Variants in BAIAP2 observed in about 807,000 individuals in gnomAD.
BAIAP2 encodes BAR/IMD domain-containing adapter protein 2.
BAIAP2 carries 18 observed loss-of-function variants against 63.0 expected under a neutral mutation model. The ratio of observed to expected loss-of-function variants is 0.29; its 90% CI spans 0.20 to 0.42. The LOEUF (loss-of-function observed/expected upper bound fraction) is 0.42. Ranked by LOEUF, BAIAP2 falls within the 10% of genes least tolerant of loss-of-function variation. The probability of loss-of-function intolerance (pLI) is 1.00; values close to 1 mark genes in which losing one functional copy is unlikely to be tolerated. For synonymous variants in BAIAP2, 386 were observed against 307.6 expected (o/e 1.25, Z -2.67); for missense variants, 610 against 734.3 (o/e 0.83, Z 1.96).
Position 81,035,178 on chromosome 17 carries a change from CCTGCTGCCGTTACCGCCG to C in BAIAP2, c.-67_-50del, listed in dbSNP as rs1456512931. The C allele has an allele frequency of 1.1e-5, 14 of 1,261,286 alleles. No individual in the cohort carries two copies. Among genetic ancestry groups the C allele is most frequent in the Non-Finnish European group, 1.5e-5 (14 of 938,452 alleles). 78.1% of individuals were successfully genotyped at this position (1,261,286 alleles called of 1,614,324 possible). ...GGTTCGGGTCCGCTTTCGTCTCCGT[CCTGCTGCCGTTACCGCCG>C]CTGCTGCCGCCGCTTGCGTCCCCCG... On this transcript the variant is annotated 5_prime_UTR_variant, in exon 1 of 14. Transcript: ENST00000428708.
rs4969361 is a variant in BAIAP2, at chr17:81,046,733, G to T, written c.55-6935G>T. Reference sequence around the variant, plus strand: ...GCAGGGCCCCTCCTGTACCTCCCTAGTCCATGCTGTACATGTGGCCGGGGG... The same window carrying T: ...GCAGGGCCCCTCCTGTACCTCCCTATTCCATGCTGTACATGTGGCCGGGGG... On this transcript the variant is annotated intron_variant, in intron 1 of 13. Transcript: ENST00000428708. The surrounding 1 kb of genome is among the most constrained non-coding windows in gnomAD (Gnocchi z 4.5). 0.15 allele frequency among the ~76,000 whole-genome samples: 23,098 copies of T among 152,178 alleles called. 2,018 individuals carry two copies. Among genetic ancestry groups the T allele is most frequent in the East Asian group, 0.32 (1,645 of 5,166 alleles).
chr17:81,103,790 G>A (rs904013066), intron 8 of BAIAP2, 67 bp downstream of exon 8: 120 of 1,577,128 alleles, frequency 7.6e-5, no homozygotes, highest in Non-Finnish European at 3.4e-5. Flanking sequence ...TCAGGGCGGG[G>A]GGCCGCCAGG....
At chr17:81,052,833 G>A (rs529629540) in intron 1 of BAIAP2, among the ~76,000 whole-genome samples, 227 of 152,280 alleles carry the variant, frequency 1.5e-3, no homozygotes, top group African/African-American at 4.4e-3. Flanking sequence ...AGGGCTGGGC[G>A]GCTTCCCTTC....
At chr17:81,063,570 C>A (rs1287721171) in intron 3 of BAIAP2, among the ~76,000 whole-genome samples, 1 of 152,162 alleles carries the variant, frequency 6.6e-6, no homozygotes, top group South Asian at 2.1e-4. Context: ...GTGAAGGAGG[C>A]GTTCGTCTCA....
At chr17:81,088,137 C>G (rs1568143684) in intron 6 of BAIAP2, among the ~76,000 whole-genome samples, 1 of 152,088 alleles carries the variant, frequency 6.6e-6, no homozygotes, top group Non-Finnish European at 1.5e-5. Context: ...GGACGGCACC[C>G]CTGCGGCCTG....
At chr17:81,075,024 A>G (rs151262488) in intron 3 of BAIAP2, among the ~76,000 whole-genome samples, 1 of 152,234 alleles carries the variant, frequency 6.6e-6, no homozygotes. Flanking sequence ...CATGACTGAC[A>G]GTGCTTTCTG....
chr17:81,073,548 G>A (rs539994151), intron 3 of BAIAP2, among the ~76,000 whole-genome samples: 11 of 152,254 alleles, frequency 7.2e-5, no homozygotes, highest in South Asian at 2.1e-4. Flanking sequence ...AGCATTTGGG[G>A]ACCCTCGGGC....
At chr17:81,112,258 C>T (rs1364950404) in intron 13 of BAIAP2, among the ~76,000 whole-genome samples, 1 of 152,238 alleles carries the variant, frequency 6.6e-6, no homozygotes, top group African/African-American at 2.4e-5. Context: ...CTGGCACAGC[C>T]TCTGTCAGGG....
Position 81,086,071 on chromosome 17 carries a change from C to T in BAIAP2, c.351+346C>T, listed in dbSNP as rs577712312. Among the ~76,000 whole-genome samples, 6 of 152,134 alleles carry T rather than the reference C, an allele frequency of 3.9e-5. No homozygotes were observed. In the East Asian group the frequency reaches 7.8e-4, roughly 20 times the overall value. Reference sequence around the variant, plus strand: ...GGGCTCTCGGCCCGTCCTGCCCCACCGCCACTCCTGTCCGCTGGCAGGAAG... The same window carrying T: ...GGGCTCTCGGCCCGTCCTGCCCCACTGCCACTCCTGTCCGCTGGCAGGAAG... On this transcript the variant is annotated intron_variant, in intron 5 of 13. Coordinates refer to ENST00000428708, the MANE Select transcript of BAIAP2 (RefSeq NM_001144888.2).
rs370775327 is a variant in BAIAP2 at position 81,055,574 on chromosome 17, G to GTTTTTTGTTTTTTTTTGGTTT, written c.130+1837_130+1838insGTTTTTTTTTGGTTTTTTTTT. 1.3e-3 allele frequency among the ~76,000 whole-genome samples: 157 copies of GTTTTTTGTTTTTTTTTGGTTT among 123,412 alleles called. 1 individual carries two copies. Among genetic ancestry groups the GTTTTTTGTTTTTTTTTGGTTT allele is most frequent in the African/African-American group, 4.2e-3 (146 of 34,848 alleles). The allele number at this position is 123,412 out of a possible 152,430, so 81.0% of individuals were successfully genotyped here. On this transcript the variant is annotated intron_variant, in intron 2 of 13. Transcript: ENST00000428708. ...CCAGCGAAAGTCTGCAGGGTGTTTTGTTTTTTTTTGAGACGGAGTCTCACT... is the reference window on the plus strand; with the variant it reads ...CCAGCGAAAGTCTGCAGGGTGTTTTGTTTTTTGTTTTTTTTTGGTTTTTTTTTTTTGAGACGGAGTCTCACT...
At chr17:81,076,209 T>TAA (rs2053638457) in intron 3 of BAIAP2, 1 of 152,262 alleles carries the variant, frequency 6.6e-6, no homozygotes, top group Non-Finnish European at 1.5e-5. Context: ...TAACTCATTT[T>TAA]AAGCTTAACC....
chr17:81,071,246 G>A (rs552317851), intron 3 of BAIAP2, among the ~76,000 whole-genome samples: 14 of 152,306 alleles, frequency 9.2e-5, no homozygotes, highest in East Asian at 7.7e-4. Context: ...AGTCACCCCC[G>A]AGGTGGCGTC....
intron 1 of BAIAP2, among the ~76,000 whole-genome samples, chr17:81,047,645 C>T (rs1181379865): frequency 2.7e-5 from 4 of 149,968 alleles, no homozygotes; most frequent in African/African-American, 4.9e-5. Flanking sequence ...CAGGTAAACA[C>T]GCAGCTCATG....
intron 13 of BAIAP2, among the ~76,000 whole-genome samples, chr17:81,113,390 C>T (rs547857594): frequency 1.4e-4 from 22 of 152,372 alleles, no homozygotes; most frequent in African/African-American, 4.8e-4. Flanking sequence ...CTGTGGCTAA[C>T]GTGTGGTGAC....
At chr17:81,110,196 C>T (rs960331110) in intron 13 of BAIAP2, 2 of 985,612 alleles carry the variant, frequency 2.0e-6, no homozygotes, top group South Asian at 4.7e-5. Context: ...CACACCTCCC[C>T]GTGGCCTGGG....
chr17:81,039,361 C>A (rs1457031332), intron 1 of BAIAP2, among the ~76,000 whole-genome samples: 4 of 152,232 alleles, frequency 2.6e-5, no homozygotes, highest in Admixed American at 2.6e-4. Context: ...CGTCCCATGC[C>A]TGCTGGCTCC....
intron 6 of BAIAP2, among the ~76,000 whole-genome samples, chr17:81,094,290 C>G (rs936243441): frequency 1.3e-5 from 2 of 152,178 alleles, no homozygotes; most frequent in Admixed American, 1.3e-4. Context: ...CCTGCTGTCT[C>G]CTGTGCCCGT....
intron 6 of BAIAP2, among the ~76,000 whole-genome samples, chr17:81,090,960 A>T (rs1251834393): frequency 1.3e-5 from 2 of 152,078 alleles, no homozygotes; most frequent in Admixed American, 6.5e-5. Flanking sequence ...TCCACTTCTG[A>T]AGAGAGGAAG....
rs901236600 is a variant in BAIAP2 at position 81,046,832 on chromosome 17, C to T, written c.55-6836C>T. 3.9e-5 allele frequency among the ~76,000 whole-genome samples: 6 copies of T among 152,174 alleles called. No individual in the cohort carries two copies. The highest frequency in any genetic ancestry group is 2.1e-4 in the South Asian group (1 of 4,828). ...CCTAGGCAGAGTCCCGTCAAGTCTA[C>T]GTGGACCAGAGTCGTGGGTGCTGTG... On this transcript the variant is annotated intron_variant, in intron 1 of 13. Coordinates refer to ENST00000428708, the MANE Select transcript of BAIAP2 (RefSeq NM_001144888.2). The surrounding 1 kb of genome is among the most constrained non-coding windows in gnomAD (Gnocchi z 4.5).
Sources: gnomAD v4.1 joint callset for allele counts (sites outside exome capture counted in the v4.1 genomes callset) on GRCh38, gnomAD v4.1.1 for gene constraint, Gnocchi (gnomAD v3.1) non-coding constraint, MANE v1.5 for transcripts, NCBI Gene and HGNC (gene_info 2026-07-23, HGNC 2026-07-21) for gene names.